Variants in SEMA4B observed in about 807,000 individuals in gnomAD.
The protein encoded by SEMA4B is semaphorin-4B.
SEMA4B carries 55 observed loss-of-function variants against 88.1 expected under a neutral mutation model. The ratio of observed to expected loss-of-function variants is 0.62; its 90% CI spans 0.50 to 0.78. The LOEUF is 0.78. Ranked by LOEUF, SEMA4B falls within the 30% of genes least tolerant of loss-of-function variation. The pLI, the probability that SEMA4B is intolerant of heterozygous loss-of-function variation, is 0.00. For missense variants in SEMA4B, 1,062 were observed against 1,111.9 expected, an observed-to-expected ratio of 0.96 and a Z score of 0.64; for synonymous variants, 525 against 473.6, an observed-to-expected ratio of 1.11 and a Z score of -1.41.
At position 90,191,671 on chromosome 15, in the gene SEMA4B, A is replaced by G. The variant is rs77148003; in HGVS notation, c.-122+6590A>G. On this transcript the variant is annotated intron_variant, in intron 1 of 14. Transcript: ENST00000332496. ...ACCACTGGATTCTACCACTTCCAGG[A>G]GCAAGAAAAACAAGAGGCCGGTAGC... Among the ~76,000 whole-genome samples the G allele has an allele frequency of 1.6e-3, 246 of 152,346 alleles. 1 individual carries two copies. The highest frequency in any genetic ancestry group is 5.7e-3 in the African/African-American group (238 of 41,578).
At chr15:90,198,595 A>G (rs1285261782), upstream of SEMA4B, among the ~76,000 whole-genome samples, 1 of 152,224 alleles carries the variant, frequency 6.6e-6, no homozygotes, top group Admixed American at 6.5e-5. Flanking sequence ...GTGATAAATG[A>G]GCAAAAGGAA....
exon 1 of SEMA4B, chr15:90,185,048 G>A (rs1960123083): frequency 2.0e-6 from 2 of 985,298 alleles, no homozygotes; most frequent in Non-Finnish European, 2.4e-6. Flanking sequence ...CCCGCGGGGG[G>A]CGATGACCGT....
Position 90,201,747 on chromosome 15 carries a change from G to A in SEMA4B, c.157+12G>A, listed in dbSNP as rs1960752143. ...CAGCCTGCCTCTGGGTGAGTGCCGGGGACCCGGGGACGCGGGCCGGGGGAA... is the reference window on the plus strand; with the variant it reads ...CAGCCTGCCTCTGGGTGAGTGCCGGAGACCCGGGGACGCGGGCCGGGGGAA... On this transcript the variant is annotated intron_variant, in intron 1 of 13. Transcript: ENST00000411539. 7.2e-7 allele frequency: 1 copy of A among 1,395,250 alleles called. No individual in the cohort carries two copies. The highest frequency in any genetic ancestry group is 1.5e-5 in the African/African-American group (1 of 66,058). 86.4% of individuals were successfully genotyped at this position (1,395,250 alleles called of 1,614,324 possible).
chr15:90,212,849 T>C lies in SEMA4B; in HGVS notation c.158-4590T>C, dbSNP rs1310116338. Reference sequence around the variant, plus strand: ...AGCTGATGCCGTCTGGCTTTGGCCATGAGACCCTCGTGTGACCAGGTGCGT... The same window carrying C: ...AGCTGATGCCGTCTGGCTTTGGCCACGAGACCCTCGTGTGACCAGGTGCGT... On this transcript the variant is annotated intron_variant, in intron 1 of 13. Coordinates refer to ENST00000411539, the MANE Select transcript of SEMA4B (RefSeq NM_198925.4). This position sits in a 1 kb window ranked among gnomAD's most constrained non-coding sequence, Gnocchi z 4.0. Among the ~76,000 whole-genome samples, 3 of 152,146 alleles carry C rather than the reference T, an allele frequency of 2.0e-5. No individual in the cohort carries two copies. Among genetic ancestry groups the C allele is most frequent in the Non-Finnish European group, 4.4e-5 (3 of 68,028 alleles).
intron 3 of SEMA4B, among the ~76,000 whole-genome samples, chr15:90,218,315 C>G (rs940913333): frequency 9.9e-5 from 15 of 152,178 alleles, no homozygotes; most frequent in African/African-American, 3.4e-4. Context: ...ATCATCATCC[C>G]TAGAGGCCTC....
intron 1 of SEMA4B, among the ~76,000 whole-genome samples, chr15:90,213,881 G>A (rs898956305): frequency 6.6e-6 from 1 of 152,184 alleles, no homozygotes; most frequent in Non-Finnish European, 1.5e-5. Flanking sequence ...CATTCCTCCC[G>A]TGACATGTAT....
At chr15:90,190,781 G>A (rs1449045877) in intron 1 of SEMA4B, among the ~76,000 whole-genome samples, 1 of 151,912 alleles carries the variant, frequency 6.6e-6, no homozygotes, top group Non-Finnish European at 1.5e-5. Flanking sequence ...TGCTCTGTGT[G>A]CATGTGTGTG....
intron 1 of SEMA4B, among the ~76,000 whole-genome samples, chr15:90,195,914 T>G (rs1960484801): frequency 7.0e-6 from 1 of 143,014 alleles, no homozygotes; most frequent in Admixed American, 6.9e-5. Context: ...CCAGCCTGTT[T>G]TGTACTTCTC....
At chr15:90,201,211 T>A (rs865942090), upstream of SEMA4B, 25 of 651,494 alleles carry the variant, frequency 3.8e-5, no homozygotes, top group South Asian at 1.5e-3. Flanking sequence ...GCTTGGCCCC[T>A]GCGGCAGCGC....
intron 1 of SEMA4B, among the ~76,000 whole-genome samples, chr15:90,188,455 C>G (rs975308111): frequency 1.3e-5 from 2 of 150,682 alleles, no homozygotes; most frequent in South Asian, 2.1e-4. Context: ...TGGTGAAACC[C>G]TGTCTCTACT....
chr15:90,207,181 G>C (rs1212192284), intron 1 of SEMA4B, among the ~76,000 whole-genome samples: 2 of 152,164 alleles, frequency 1.3e-5, no homozygotes, highest in African/African-American at 2.4e-5. Flanking sequence ...CTAGAGTTCT[G>C]CCTCCCAGGC....
chr15:90,190,082 G>A (rs1464729999), intron 1 of SEMA4B, among the ~76,000 whole-genome samples: 1 of 152,202 alleles, frequency 6.6e-6, no homozygotes, highest in Admixed American at 6.5e-5. Flanking sequence ...TCAGAACCTT[G>A]TGGGCTCCAG....
At chr15:90,188,926 C>T (rs945187622) in intron 1 of SEMA4B, among the ~76,000 whole-genome samples, 7 of 152,130 alleles carry the variant, frequency 4.6e-5, no homozygotes, top group African/African-American at 1.7e-4. Flanking sequence ...GCCTCAGCCT[C>T]CCAAAGTGCT....
In SEMA4B at chr15:90,206,616, C is replaced by G. The variant is rs1961002952; in HGVS notation, c.157+4881C>G. 5 of 609,600 alleles carry G rather than the reference C, an allele frequency of 8.2e-6. 1 individual carries two copies. Among genetic ancestry groups the G allele is most frequent in the Middle Eastern group, 6.0e-4 (2 of 3,350 alleles). 37.8% of individuals were successfully genotyped at this position (609,600 alleles called of 1,614,324 possible). A position where few individuals can be genotyped will look rare whatever the true frequency, so the allele number is the denominator to read the frequency against. On this transcript the variant is annotated intron_variant, in intron 1 of 13. Coordinates refer to ENST00000411539, the MANE Select transcript of SEMA4B (RefSeq NM_198925.4). ...GCTGGAGGGGTAATGGACATTAATGCTGCTTTACAAGAGCTGTTGAAGACA... is the reference window on the plus strand; with the variant it reads ...GCTGGAGGGGTAATGGACATTAATGGTGCTTTACAAGAGCTGTTGAAGACA...
chr15:90,224,547 CCT>C (rs1962039941), intron 9 of SEMA4B, among the ~76,000 whole-genome samples: 1 of 152,178 alleles, frequency 6.6e-6, no homozygotes, highest in South Asian at 2.1e-4. Context: ...TGCTGGAGCC[CCT>C]GACAGATGGT....
At chr15:90,197,147 G>A (rs1310762495), upstream of SEMA4B, among the ~76,000 whole-genome samples, 1 of 152,062 alleles carries the variant, frequency 6.6e-6, no homozygotes, top group African/African-American at 2.4e-5. Context: ...AGCACTTTGG[G>A]AGGCCGAGGT....
chr15:90,200,977 G>A (rs548558220), upstream of SEMA4B, among the ~76,000 whole-genome samples: 2 of 152,330 alleles, frequency 1.3e-5, no homozygotes, highest in Non-Finnish European at 1.5e-5. Context: ...CCTAAAGGGA[G>A]GAGACCAAGG....
intron 1 of SEMA4B, among the ~76,000 whole-genome samples, chr15:90,202,438 T>G (rs1331723699): frequency 6.6e-6 from 1 of 152,244 alleles, no homozygotes; most frequent in African/African-American, 2.4e-5. Flanking sequence ...TTGGCTGGGT[T>G]CCTTTCCTGG....
chr15:90,224,601 A>G (rs1201059730), intron 9 of SEMA4B, among the ~76,000 whole-genome samples: 1 of 152,206 alleles, frequency 6.6e-6, no homozygotes, highest in Non-Finnish European at 1.5e-5. Context: ...CAGGCGGGGC[A>G]GGAAAGAACT....
Sources: gnomAD v4.1 joint callset for allele counts (sites outside exome capture counted in the v4.1 genomes callset) on GRCh38, gnomAD v4.1.1 for gene constraint, Gnocchi (gnomAD v3.1) non-coding constraint, MANE v1.5 for transcripts, NCBI Gene and HGNC (gene_info 2026-07-23, HGNC 2026-07-21) for gene names.